Variants in PATJ observed in about 807,000 individuals in gnomAD.
PATJ encodes inaD-like protein.
A neutral mutation model predicts 224.9 loss-of-function variants in PATJ; 190 were observed. That is an observed-to-expected ratio of 0.84 (90% confidence interval 0.75 to 0.95). The LOEUF (loss-of-function observed/expected upper bound fraction) is 0.95, where lower values mean the gene tolerates loss of function less well. Among genes scored for constraint, PATJ ranks in the 40% least tolerant of loss-of-function variants. The probability of loss-of-function intolerance (pLI) is 0.00; values close to 1 mark genes in which losing one functional copy is unlikely to be tolerated. For missense variants in PATJ, 2,121 were observed against 2,270.3 expected (o/e 0.93, Z 1.34); for synonymous variants, 769 against 820.3 (o/e 0.94, Z 1.07).
chr1:62,125,267 A>AAAAAAAAAAAAAC, intron 39 of PATJ, among the ~76,000 whole-genome samples: 1 of 148,064 alleles, frequency 6.8e-6, no homozygotes, highest in African/African-American at 2.5e-5. Context: ...AAAAAAACAA[A>AAAAAAAAAAAAAC]AAAAAAACGC....
At chr1:61,964,630 A>T (rs536986341) in intron 27 of PATJ, among the ~76,000 whole-genome samples, 26 of 151,764 alleles carry the variant, frequency 1.7e-4, no homozygotes, top group Admixed American at 4.6e-4. Context: ...CTCTACCAAA[A>T]ATACAAAAAT....
At position 61,838,867 on chromosome 1, in the gene PATJ, C is replaced by T. The variant is rs76936216; in HGVS notation, c.2112+5082C>T. ...CCGTGGAAGATTACTGATACTCCCACTAGTATTAATAACAATGTTAGGTAA... is the reference window on the plus strand; with the variant it reads ...CCGTGGAAGATTACTGATACTCCCATTAGTATTAATAACAATGTTAGGTAA... On this transcript the variant is annotated intron_variant, in intron 17 of 43. Coordinates refer to ENST00000642238, the MANE Select transcript of PATJ (RefSeq NM_001350145.3). Among the ~76,000 whole-genome samples, 442 of 152,222 alleles carry T rather than the reference C, an allele frequency of 2.9e-3. 2 individuals are homozygous for T. The highest frequency in any genetic ancestry group is 0.01 in the African/African-American group (426 of 41,532).
intron 31 of PATJ, among the ~76,000 whole-genome samples, chr1:62,067,252 G>A (rs561616531): frequency 2.5e-4 from 38 of 149,056 alleles, no homozygotes; most frequent in Admixed American, 7.5e-4. Flanking sequence ...TCAGCCTCAC[G>A]AGTAGCTGGG....
intron 27 of PATJ, among the ~76,000 whole-genome samples, chr1:61,979,008 G>A (rs1315651111): frequency 6.6e-6 from 1 of 152,024 alleles, no homozygotes; most frequent in African/African-American, 2.4e-5. Flanking sequence ...AGGCATTGAT[G>A]CTTTGATAGA....
rs144365644 is a variant in PATJ, at chr1:61,935,476, G to A, written c.3670+7647G>A. Among the ~76,000 whole-genome samples the A allele has an allele frequency of 7.5e-4, 114 of 152,244 alleles. 1 individual carries two copies. The South Asian group carries it at 0.023, about 30-fold the overall frequency. On this transcript the variant is annotated intron_variant, in intron 27 of 43. Coordinates refer to ENST00000642238, the MANE Select transcript of PATJ (RefSeq NM_001350145.3). ...AATGTTTGGTATAAAGAGTATATTT[G>A]GATTATGAAGCATAATTATAAAATT...
intron 28 of PATJ, among the ~76,000 whole-genome samples, chr1:61,992,758 T>C (rs1165812200): frequency 6.6e-6 from 1 of 152,204 alleles, no homozygotes; most frequent in Non-Finnish European, 1.5e-5. Context: ...GAGAGTGTTT[T>C]ACAGGTCAAA....
In PATJ at chr1:62,109,919, T is replaced by A. The variant is rs557635788; in HGVS notation, c.4461+1399T>A. On this transcript the variant is annotated intron_variant, in intron 34 of 43. Coordinates refer to ENST00000642238, the MANE Select transcript of PATJ (RefSeq NM_001350145.3). Reference sequence around the variant, plus strand: ...AATTATACCTCAATAAGGATTTTTTTAAACTATTTCTGTTTGTATTAGGTA... The same window carrying A: ...AATTATACCTCAATAAGGATTTTTTAAAACTATTTCTGTTTGTATTAGGTA... Among the ~76,000 whole-genome samples, 320 of 152,342 alleles carry A rather than the reference T, an allele frequency of 2.1e-3. 2 individuals are homozygous for A. The highest frequency in any genetic ancestry group is 7.4e-3 in the African/African-American group (308 of 41,580).
At chr1:61,926,225 G>C (rs903917135) in intron 26 of PATJ, among the ~76,000 whole-genome samples, 1 of 152,152 alleles carries the variant, frequency 6.6e-6, no homozygotes, top group African/African-American at 2.4e-5. Context: ...AGCTGCCTTT[G>C]CCACATCTGG....
chr1:61,933,565 G>T (rs894832350), intron 27 of PATJ, among the ~76,000 whole-genome samples: 1 of 148,294 alleles, frequency 6.7e-6, no homozygotes, highest in Admixed American at 6.7e-5. Context: ...AGGAAAAAAA[G>T]AATTCAAGAT....
chr1:61,803,173 G>A (rs190789305), intron 12 of PATJ, among the ~76,000 whole-genome samples: 183 of 152,004 alleles, frequency 1.2e-3, no homozygotes, highest in Middle Eastern at 3.4e-3. Flanking sequence ...AAAGTTTTTC[G>A]TATCACCATT....
At chr1:61,976,293 C>T (rs75867252) in intron 27 of PATJ, among the ~76,000 whole-genome samples, 1,721 of 152,148 alleles carry the variant, frequency 0.011, 66 homozygotes, top group African/African-American at 0.039. Context: ...CCAAATCTTA[C>T]CAATTACTTA....
At chr1:61,953,670 T>C (rs950816930) in intron 27 of PATJ, among the ~76,000 whole-genome samples, 2 of 152,214 alleles carry the variant, frequency 1.3e-5, no homozygotes, top group Non-Finnish European at 2.9e-5. Flanking sequence ...AAACTTGTAT[T>C]GACAAGGCAA....
intron 29 of PATJ, among the ~76,000 whole-genome samples, chr1:62,023,533 A>G (rs1647213738): frequency 6.6e-6 from 1 of 152,214 alleles, no homozygotes; most frequent in Non-Finnish European, 1.5e-5. Flanking sequence ...TACCTTATCC[A>G]GTGATATAAG....
intron 38 of PATJ, among the ~76,000 whole-genome samples, chr1:62,121,647 T>C (rs1005166319): frequency 2.5e-4 from 38 of 152,136 alleles, no homozygotes; most frequent in African/African-American, 7.2e-4. Context: ...CATACGCCTG[T>C]AGTCCCAGCT....
chr1:61,905,480 G>T (rs1671734572), intron 24 of PATJ, among the ~76,000 whole-genome samples: 1 of 152,190 alleles, frequency 6.6e-6, no homozygotes, highest in African/African-American at 2.4e-5. Context: ...GTACCAATTT[G>T]TTTAATCATT....
intron 25 of PATJ, among the ~76,000 whole-genome samples, chr1:61,912,201 T>G (rs745594124): frequency 3.3e-4 from 51 of 152,274 alleles, no homozygotes; most frequent in Middle Eastern, 3.4e-3. Flanking sequence ...TCACGAGAAA[T>G]ACAGTCTTCT....
chr1:62,073,170 G>GGAA (rs749872919), intron 31 of PATJ: 4 of 985,286 alleles, frequency 4.1e-6, no homozygotes, highest in Middle Eastern at 1.0e-3. Flanking sequence ...AAGAAAAGGA[G>GGAA]GTGATTGCAA....
chr1:61,871,457 G>GTA (rs369494133), intron 20 of PATJ, among the ~76,000 whole-genome samples: 2 of 12,492 alleles, frequency 1.6e-4, no homozygotes, highest in African/African-American at 6.2e-4. Flanking sequence ...ATATATATGC[G>GTA]TATATATATG....
In PATJ at chr1:61,991,577, G is replaced by T. The variant is rs1318843866; in HGVS notation, c.3867+1213G>T. The T allele has an allele frequency of 5.1e-6, 5 of 985,318 alleles. No individual in the cohort carries two copies. In the South Asian group the frequency reaches 1.9e-4, roughly 37 times the overall value. 61.0% of individuals were successfully genotyped at this position (985,318 alleles called of 1,614,324 possible). A position where few individuals can be genotyped will look rare whatever the true frequency, so the allele number is the denominator to read the frequency against. Reference sequence around the variant, plus strand: ...GGCCAGGTGCAACAGGAAGACCATCGCCATCAACTCTTTCTTCCAAACCTT... The same window carrying T: ...GGCCAGGTGCAACAGGAAGACCATCTCCATCAACTCTTTCTTCCAAACCTT... On this transcript the variant is annotated intron_variant, in intron 28 of 43. Coordinates refer to ENST00000642238, the MANE Select transcript of PATJ (RefSeq NM_001350145.3).
Sources: gnomAD v4.1 joint callset for allele counts (sites outside exome capture counted in the v4.1 genomes callset) on GRCh38, gnomAD v4.1.1 for gene constraint, MANE v1.5 for transcripts, NCBI Gene and HGNC (gene_info 2026-07-23, HGNC 2026-07-21) for gene names.